Variants in LDLRAD3 observed in about 807,000 individuals in gnomAD.
LDLRAD3 encodes low density lipoprotein receptor class A domain containing 3.
Under a neutral mutation model 29.4 loss-of-function variants are expected in LDLRAD3, and 20 were observed. The ratio of observed to expected loss-of-function variants is 0.68; its 90% CI spans 0.48 to 0.99. The LOEUF is 0.99. Ranked by LOEUF, LDLRAD3 falls within the 50% of genes least tolerant of loss-of-function variation. LDLRAD3 has a pLI of 0.00. For missense variants in LDLRAD3, 420 were observed against 454.3 expected, an observed-to-expected ratio of 0.92 and a Z score of 0.69; for synonymous variants, 157 against 192.7, an observed-to-expected ratio of 0.81 and a Z score of 1.53.
intron 2 of LDLRAD3, among the ~76,000 whole-genome samples, chr11:36,046,463 T>C (rs1852451708): frequency 6.6e-6 from 1 of 152,194 alleles, no homozygotes; most frequent in Non-Finnish European, 1.5e-5. Context: ...CATCACTCCG[T>C]CTCTGCCTCC....
chr11:36,083,780 A>AAC (rs1554963646), intron 3 of LDLRAD3, among the ~76,000 whole-genome samples: 1 of 74,780 alleles, frequency 1.3e-5, no homozygotes, highest in African/African-American at 4.9e-5. Flanking sequence ...ACACACACAC[A>AAC]CCCCAGAATA....
intron 1 of LDLRAD3, among the ~76,000 whole-genome samples, chr11:35,975,391 G>A (rs113873956): frequency 0.024 from 3,708 of 152,200 alleles, 164 homozygotes; most frequent in African/African-American, 0.082. Context: ...AGTTGCTGAT[G>A]GATTAGTGCC....
At chr11:36,172,981 T>A (rs1475629697) in intron 4 of LDLRAD3, among the ~76,000 whole-genome samples, 1 of 152,200 alleles carries the variant, frequency 6.6e-6, no homozygotes, top group Non-Finnish European at 1.5e-5. Flanking sequence ...TGGCAATTTT[T>A]TAATTATCAT....
chr11:36,126,514 T>C (rs76743783), intron 4 of LDLRAD3, among the ~76,000 whole-genome samples: 3,401 of 152,236 alleles, frequency 0.022, 123 homozygotes, highest in African/African-American at 0.078. Context: ...AGGATTGGCC[T>C]TCGGTGTGGT....
At chr11:35,972,033 A>C (rs1483105149) in intron 1 of LDLRAD3, among the ~76,000 whole-genome samples, 1 of 152,116 alleles carries the variant, frequency 6.6e-6, no homozygotes, top group African/African-American at 2.4e-5. Flanking sequence ...GTTCTCTGGC[A>C]ACTGGTTTTT....
intron 4 of LDLRAD3, among the ~76,000 whole-genome samples, chr11:36,151,076 C>T (rs190055895): frequency 5.3e-4 from 81 of 152,280 alleles, no homozygotes; most frequent in Non-Finnish European, 1.6e-4. Context: ...TGGTTTCCCA[C>T]CTTTCAGGCA....
intron 4 of LDLRAD3, among the ~76,000 whole-genome samples, chr11:36,133,986 C>T (rs1240875121): frequency 6.6e-6 from 1 of 151,636 alleles, no homozygotes; most frequent in African/African-American, 2.4e-5. Context: ...ATATATATAA[C>T]ATGTATGTAT....
intron 1 of LDLRAD3, among the ~76,000 whole-genome samples, chr11:36,033,653 A>G (rs544791694): frequency 1.3e-5 from 2 of 152,268 alleles, no homozygotes; most frequent in South Asian, 4.1e-4. Flanking sequence ...CAGTTCTCTA[A>G]CAACAGAGCA....
chr11:36,111,266 G>A (rs553171991), intron 4 of LDLRAD3, among the ~76,000 whole-genome samples: 1 of 152,242 alleles, frequency 6.6e-6, no homozygotes, highest in East Asian at 1.9e-4. Context: ...GATGAGCCTG[G>A]GGAATCGGGG....
At chr11:36,168,141 T>A (rs1854541765) in intron 4 of LDLRAD3, among the ~76,000 whole-genome samples, 1 of 152,232 alleles carries the variant, frequency 6.6e-6, no homozygotes, top group Non-Finnish European at 1.5e-5. Flanking sequence ...TTGAACAAAC[T>A]ATACTAATTG....
At chr11:36,066,971 G>A (rs532421465) in intron 2 of LDLRAD3, among the ~76,000 whole-genome samples, 3 of 152,184 alleles carry the variant, frequency 2.0e-5, no homozygotes, top group East Asian at 1.9e-4. Context: ...ATCTCCTGCC[G>A]CATAGCCCAT....
At chr11:36,199,011 C>T (rs551457308) in intron 4 of LDLRAD3, among the ~76,000 whole-genome samples, 18 of 152,296 alleles carry the variant, frequency 1.2e-4, no homozygotes, top group South Asian at 1.0e-3. Context: ...CCCCATTCTC[C>T]TGCCTCAGCC....
At chr11:35,989,158 C>T (rs1851656183) in intron 1 of LDLRAD3, among the ~76,000 whole-genome samples, 1 of 152,080 alleles carries the variant, frequency 6.6e-6, no homozygotes, top group Admixed American at 6.5e-5. Context: ...TTTTTGTCGA[C>T]TTTGTAAAAG....
intron 1 of LDLRAD3, among the ~76,000 whole-genome samples, chr11:35,996,167 C>A (rs1214688399): frequency 6.6e-6 from 1 of 152,188 alleles, no homozygotes; most frequent in Admixed American, 6.5e-5. Context: ...TTAACCATTT[C>A]TAGCTTTTGA....
intron 1 of LDLRAD3, among the ~76,000 whole-genome samples, chr11:35,948,094 T>G (rs1851082261): frequency 6.6e-6 from 1 of 152,156 alleles, no homozygotes; most frequent in South Asian, 2.1e-4. Flanking sequence ...CAGCCAGGGT[T>G]CGATTTCTTG....
At chr11:35,972,977 C>T (rs574398164) in intron 1 of LDLRAD3, among the ~76,000 whole-genome samples, 152 of 147,468 alleles carry the variant, frequency 1.0e-3, no homozygotes, top group Non-Finnish European at 1.5e-3. Context: ...CACTTGAACC[C>T]GGGAGGCAGA....
At chr11:36,073,038 T>C (rs1195923270) in intron 2 of LDLRAD3, among the ~76,000 whole-genome samples, 1 of 152,230 alleles carries the variant, frequency 6.6e-6, no homozygotes, top group Non-Finnish European at 1.5e-5. Flanking sequence ...GTATTTCGGA[T>C]GCTAAGGCAG....
At chr11:36,157,581 T>C (rs1854372532) in intron 4 of LDLRAD3, among the ~76,000 whole-genome samples, 1 of 152,194 alleles carries the variant, frequency 6.6e-6, no homozygotes, top group Non-Finnish European at 1.5e-5. Context: ...TGAGTTAAAC[T>C]CCACTCTGTG....
intron 4 of LDLRAD3, among the ~76,000 whole-genome samples, chr11:36,106,680 G>C (rs1052474341): frequency 1.3e-5 from 2 of 152,152 alleles, no homozygotes; most frequent in African/African-American, 4.8e-5. Flanking sequence ...GTTCATCGAG[G>C]GAACTGTCCT....
Sources: allele counts gnomAD v4.1 joint callset (sites outside exome capture counted in the v4.1 genomes callset), GRCh38; gene constraint gnomAD v4.1.1; transcripts MANE v1.5; gene names NCBI Gene and HGNC (gene_info 2026-07-23, HGNC 2026-07-21).